RIOK3: variants seen among roughly 807,000 people sequenced by gnomAD.
RIOK3 encodes RIO kinase 3.
In RIOK3, 40 loss-of-function variants were observed where a neutral mutation model predicts 63.5. The observed-to-expected ratio is 0.63, with a 90% confidence interval of 0.49 to 0.82. The LOEUF is 0.82. RIOK3 is among the 40% of genes least tolerant of loss of function. The pLI, the probability that RIOK3 is intolerant of heterozygous loss-of-function variation, is 0.00. For synonymous variants in RIOK3, 193 were observed against 205.0 expected (o/e 0.94, Z 0.50); for missense variants, 557 against 637.0 (o/e 0.87, Z 1.35).
chr18:23,456,410 A>G (rs1285817400), intron 1 of RIOK3: 1 of 152,216 alleles, frequency 6.6e-6, no homozygotes, highest in Non-Finnish European at 1.5e-5. Context: ...ACTTATTAAC[A>G]TTAGTGTCAC....
At chr18:23,479,462 T>C (rs761406369) in intron 12 of RIOK3, 38 bp downstream of exon 12, 9 of 1,227,850 alleles carry the variant, frequency 7.3e-6, no homozygotes, top group Middle Eastern at 1.9e-4. Context: ...TTGCTGGTCA[T>C]GCAGAACTGC....
Position 23,475,063 on chromosome 18 carries a change from C to T in RIOK3, c.1129C>T (p.Leu377Phe), listed in dbSNP as rs1341550375. The T allele has an allele frequency of 3.1e-6, 5 of 1,613,280 alleles. No individual in the cohort carries two copies. The highest frequency in any genetic ancestry group is 1.7e-4 in the Middle Eastern group (1 of 6,042). ...VPAPKLKEVK[L>F]NSEEMKEAYY... is the part of the protein sequence containing the mutation. ...AGCCCCTAAATTAAAAGAAGTAAAG[C>T]TCAATAGTGAAGAAATGAAAGAAGC... The change falls in exon 9 of 13, where the codon CTC becomes TTC. Residue 377 changes from leucine to phenylalanine, a missense_variant. This residue lies in a region of RIOK3 where 309 missense variants were observed against 338.7 expected (regional missense o/e 0.91). Coordinates refer to ENST00000339486, the MANE Select transcript of RIOK3 (RefSeq NM_003831.5).
intron 9 of RIOK3, 140 bp from the exon 10 acceptor site, chr18:23,476,866 C>T: frequency 1.6e-6 from 1 of 621,228 alleles, no homozygotes; most frequent in Non-Finnish European, 2.8e-6. Flanking sequence ...GAGCTGAGAT[C>T]ACACCACTGC....
intron 8 of RIOK3, 100 bp downstream of exon 8, chr18:23,473,726 T>G (rs1568386254): frequency 5.7e-6 from 5 of 884,820 alleles, no homozygotes; most frequent in South Asian, 1.8e-5. Flanking sequence ...ATAGAAATAA[T>G]GAAAGGCCAG....
intron 1 of RIOK3, among the ~76,000 whole-genome samples, chr18:23,458,173 A>C (rs1420045796): frequency 1.3e-5 from 2 of 151,462 alleles, no homozygotes; most frequent in South Asian, 4.2e-4. Flanking sequence ...CCAAAGTGCT[A>C]GTATTACAGG....
intron 1 of RIOK3, among the ~76,000 whole-genome samples, chr18:23,461,620 A>G (rs1014732567): frequency 6.6e-6 from 1 of 152,240 alleles, no homozygotes; most frequent in Non-Finnish European, 1.5e-5. Context: ...TGCTGCTGCT[A>G]AGTAAAGCAT....
intron 1 of RIOK3, 84 bp from the exon 2 acceptor site, chr18:23,462,880 C>T: frequency 1.6e-6 from 1 of 610,770 alleles, no homozygotes; most frequent in South Asian, 3.6e-5. Context: ...TAGTTTAATT[C>T]TCAAAATATA....
At chr18:23,480,358 C>T (rs903464662) in intron 12 of RIOK3, among the ~76,000 whole-genome samples, 3 of 152,088 alleles carry the variant, frequency 2.0e-5, no homozygotes, top group African/African-American at 7.2e-5. Context: ...AATACAGTTG[C>T]TCAGTAAGTA....
chr18:23,480,096 G>A (rs1439626817), intron 12 of RIOK3, among the ~76,000 whole-genome samples: 2 of 152,052 alleles, frequency 1.3e-5, no homozygotes, highest in Non-Finnish European at 2.9e-5. Context: ...GCCTATCTTT[G>A]GAAATACCCG....
At chr18:23,477,126 G>A (rs373174944) in intron 10 of RIOK3, 40 bp downstream of exon 10, 27 of 1,610,520 alleles carry the variant, frequency 1.7e-5, no homozygotes, top group East Asian at 2.2e-5. Context: ...TTTAATTACT[G>A]TAAGTAAAAT....
chr18:23,455,833 C>G (rs974213798), intron 1 of RIOK3, among the ~76,000 whole-genome samples: 3 of 150,924 alleles, frequency 2.0e-5, no homozygotes, highest in African/African-American at 7.3e-5. Flanking sequence ...GAGCCTCGCT[C>G]TGTCACCAGG....
At chr18:23,474,031 T>G (rs993164945) in intron 8 of RIOK3, among the ~76,000 whole-genome samples, 1 of 152,250 alleles carries the variant, frequency 6.6e-6, no homozygotes, top group African/African-American at 2.4e-5. Context: ...TTTATACTTG[T>G]ATCTGAATTT....
intron 12 of RIOK3, among the ~76,000 whole-genome samples, 159 bp downstream of exon 12, chr18:23,479,583 CTTT>C (rs200137533): frequency 1.4e-5 from 2 of 145,740 alleles, no homozygotes; most frequent in Non-Finnish European, 3.0e-5. Flanking sequence ...TTCTTTTTTT[CTTT>C]TTTTTTTTGA....
chr18:23,475,007 TTA>T lies in RIOK3; in HGVS notation c.1075_1076del (p.Met359ValfsTer6). 1 of 1,611,536 alleles carries T rather than the reference TTA, an allele frequency of 6.2e-7. No individual in the cohort carries two copies. Among genetic ancestry groups the T allele is most frequent in the East Asian group, 2.2e-5 (1 of 44,838 alleles). ...GTACTACTGAAGAAACACATTTTAG[TTA>T]TGTCTTTTATTGGCCATGATCAAGT... On this transcript the variant is annotated frameshift_variant, in exon 9 of 13. Coordinates refer to ENST00000339486, the MANE Select transcript of RIOK3 (RefSeq NM_003831.5). LOFTEE classifies it high-confidence loss of function.
In RIOK3 at chr18:23,477,136, T is replaced by C. The variant is rs139983532; in HGVS notation, c.1255-43T>C. The stretch of plus-strand genomic sequence containing the variant: ...TCAGATTTAATTACTGTAAGTAAAA[T>C]TTAAAATGTAAATACATCAGTTCAT... On this transcript the variant is annotated intron_variant, in intron 10 of 12. Coordinates refer to ENST00000339486, the MANE Select transcript of RIOK3 (RefSeq NM_003831.5). The C allele has an allele frequency of 9.8e-4, 1,580 of 1,611,446 alleles. 25 individuals are homozygous for C. The East Asian group carries it at 0.026, about 27-fold the overall frequency.
At chr18:23,478,655 ATATG>A (rs2057510781) in intron 11 of RIOK3, among the ~76,000 whole-genome samples, 1 of 72,986 alleles carries the variant, frequency 1.4e-5, no homozygotes, top group African/African-American at 5.3e-5. Context: ...ATATATATAT[ATATG>A]GTAAAATTTA....
At chr18:23,462,114 A>T (rs562578805) in intron 1 of RIOK3, among the ~76,000 whole-genome samples, 1,034 of 85,364 alleles carry the variant, frequency 0.012, 8 homozygotes, top group African/African-American at 0.041. Flanking sequence ...AATAAAATTT[A>T]AAAAAAAATG....
chr18:23,471,598 T>C (rs1272919481), intron 7 of RIOK3, among the ~76,000 whole-genome samples: 1 of 151,946 alleles, frequency 6.6e-6, no homozygotes, highest in Non-Finnish European at 1.5e-5. Context: ...AGTTAAAACG[T>C]TGTAGTAGTT....
intron 1 of RIOK3, among the ~76,000 whole-genome samples, chr18:23,462,047 C>T (rs548991370): frequency 1.5e-3 from 221 of 146,158 alleles, no homozygotes; most frequent in Admixed American, 3.5e-3. Flanking sequence ...GCCGAGATCA[C>T]GCCACTGTAC....
Sources: allele counts gnomAD v4.1 joint callset (sites outside exome capture counted in the v4.1 genomes callset), GRCh38; gene constraint gnomAD v4.1.1; regional missense constraint gnomAD v4.1.1; transcripts MANE v1.5; gene names NCBI Gene and HGNC (gene_info 2026-07-23, HGNC 2026-07-21).